Variants in DAAM1 observed in about 807,000 individuals in gnomAD.
The protein encoded by DAAM1 is disheveled-associated activator of morphogenesis 1.
Under a neutral mutation model 130.0 loss-of-function variants are expected in DAAM1, and 52 were observed. The ratio of observed to expected loss-of-function variants is 0.40; its 90% confidence interval spans 0.32 to 0.50. DAAM1 has a LOEUF of 0.50. Ranked by LOEUF, DAAM1 falls within the 20% of genes least tolerant of loss-of-function variation. DAAM1 has a pLI of 0.61. For synonymous variants in DAAM1, 452 were observed against 444.5 expected, an observed-to-expected ratio of 1.02 and a Z score of -0.21; for missense variants, 1,134 against 1,303.8, an observed-to-expected ratio of 0.87 and a Z score of 2.01.
intron 3 of DAAM1, among the ~76,000 whole-genome samples, chr14:59,301,186 A>G (rs1490815920): frequency 5.9e-5 from 9 of 152,158 alleles, no homozygotes. Flanking sequence ...GTTTTTTCCC[A>G]TCTGTCTCAC....
At chr14:59,297,391 A>C (rs1167260957) in intron 3 of DAAM1, among the ~76,000 whole-genome samples, 1 of 152,204 alleles carries the variant, frequency 6.6e-6, no homozygotes, top group African/African-American at 2.4e-5. Context: ...ATGTGCGAGA[A>C]TGTTTTTGGC....
intron 16 of DAAM1, among the ~76,000 whole-genome samples, chr14:59,346,094 G>C (rs1886068184): frequency 1.4e-5 from 2 of 139,580 alleles, no homozygotes; most frequent in South Asian, 4.9e-4. Flanking sequence ...GCATTCATTT[G>C]CTTAATCCTC....
At chr14:59,217,930 G>A (rs1201042362) in intron 1 of DAAM1, among the ~76,000 whole-genome samples, 1 of 150,904 alleles carries the variant, frequency 6.6e-6, no homozygotes, top group African/African-American at 2.4e-5. Flanking sequence ...GAGGTTGCAC[G>A]CCACTGCACT....
At chr14:59,208,711 C>T (rs1888338501) in intron 1 of DAAM1, among the ~76,000 whole-genome samples, 1 of 152,046 alleles carries the variant, frequency 6.6e-6, no homozygotes, top group South Asian at 2.1e-4. Context: ...AATCTCATGT[C>T]GAAATGTAAT....
intron 1 of DAAM1, among the ~76,000 whole-genome samples, chr14:59,196,045 C>G (rs1887879914): frequency 6.6e-6 from 1 of 152,182 alleles, no homozygotes; most frequent in South Asian, 2.1e-4. Context: ...CAGCAGCTTG[C>G]TAAGGAACCG....
Position 59,366,829 on chromosome 14 carries a change from G to T in DAAM1, c.2827-600G>T, listed in dbSNP as rs189124812. ...CTCGTGAGGCTTAAGAGGAAGGATT[G>T]CCCAGGAGTTTTTGGCTGTATTTTG... is the stretch of plus-strand genomic sequence containing the variant. On this transcript the variant is annotated intron_variant, in intron 23 of 24. Coordinates refer to ENST00000360909, the MANE Select transcript of DAAM1 (RefSeq NM_001270520.2). Among the ~76,000 whole-genome samples, 8 of 152,068 alleles carry T rather than the reference G, an allele frequency of 5.3e-5. No individual in the cohort carries two copies. The East Asian group carries it at 1.5e-3, about 29-fold the overall frequency.
chr14:59,256,500 C>G (rs940263831), intron 1 of DAAM1, among the ~76,000 whole-genome samples: 1 of 152,186 alleles, frequency 6.6e-6, no homozygotes. Flanking sequence ...TAAATTGTTT[C>G]CTTGTGTATA....
At chr14:59,334,051 A>G (rs982139466) in intron 15 of DAAM1, among the ~76,000 whole-genome samples, 1 of 152,230 alleles carries the variant, frequency 6.6e-6, no homozygotes, top group Non-Finnish European at 1.5e-5. Flanking sequence ...CCATATTTTC[A>G]ATAGCACTTC....
chr14:59,350,492 A>G (rs1435544888), intron 17 of DAAM1, among the ~76,000 whole-genome samples: 9 of 151,148 alleles, frequency 6.0e-5, no homozygotes, highest in Non-Finnish European at 1.5e-5. Flanking sequence ...TCTTATGCAC[A>G]TGCCCCTCTC....
intron 23 of DAAM1, among the ~76,000 whole-genome samples, 192 bp downstream of exon 23, chr14:59,363,974 A>T (rs993462226): frequency 2.0e-5 from 3 of 152,200 alleles, no homozygotes; most frequent in African/African-American, 7.2e-5. Context: ...CATTTCCAAG[A>T]CTGTGATTAA....
chr14:59,262,370 T>C (rs574828511), intron 1 of DAAM1, among the ~76,000 whole-genome samples: 2 of 152,310 alleles, frequency 1.3e-5, no homozygotes, highest in East Asian at 3.9e-4. Flanking sequence ...TGGAAATCTT[T>C]CCAAGGCAAT....
At chr14:59,341,842 G>T (rs1474325276) in intron 16 of DAAM1, among the ~76,000 whole-genome samples, 2 of 152,132 alleles carry the variant, frequency 1.3e-5, no homozygotes, top group Admixed American at 6.5e-5. Context: ...GTGCCATCCA[G>T]ATGAATGCTT....
intron 1 of DAAM1, among the ~76,000 whole-genome samples, chr14:59,252,054 T>C (rs1016709877): frequency 4.1e-4 from 63 of 152,322 alleles, no homozygotes; most frequent in African/African-American, 1.5e-3. Flanking sequence ...ACTGTAATTT[T>C]CAACTCAGGA....
At position 59,263,660 on chromosome 14, in the gene DAAM1, G is replaced by A; in HGVS notation, c.183G>A (p.Val61=). The A allele has an allele frequency of 6.2e-7, 1 of 1,613,848 alleles. No individual in the cohort carries two copies. The highest frequency in any genetic ancestry group is 8.5e-7 in the Non-Finnish European group (1 of 1,179,822). The change falls in exon 2 of 25, where the codon GTG becomes GTA. Residue 61 remains valine, a splice_region_variant and synonymous_variant. Coordinates refer to ENST00000360909, the MANE Select transcript of DAAM1 (RefSeq NM_001270520.2). ...EELDVMFSEL[V]DELDLTDKHR... ...TGGATGTCATGTTCAGTGAACTGGT[G>A]GTGAGTCCCAGTTTTCTATCCTGGC...
intron 15 of DAAM1, among the ~76,000 whole-genome samples, chr14:59,338,620 T>A (rs908836889): frequency 1.3e-5 from 2 of 152,212 alleles, no homozygotes; most frequent in African/African-American, 4.8e-5. Flanking sequence ...CAGTTGACAT[T>A]TGATCACCTA....
intron 1 of DAAM1, among the ~76,000 whole-genome samples, chr14:59,194,586 C>T (rs1224232396): frequency 6.6e-6 from 1 of 152,180 alleles, no homozygotes. Context: ...TAAGAGGGCC[C>T]ATAATTTCTC....
At position 59,337,351 on chromosome 14, in the gene DAAM1, C is replaced by A. The variant is rs192291226; in HGVS notation, c.1969-2723C>A. Reference sequence around the variant, plus strand: ...TTAAATGCCATTCTAGAAAAGCAGTCCCCCCTTGTATGGCTAGAGCAAGGG... The same window carrying A: ...TTAAATGCCATTCTAGAAAAGCAGTACCCCCTTGTATGGCTAGAGCAAGGG... On this transcript the variant is annotated intron_variant, in intron 15 of 24. Coordinates refer to ENST00000360909, the MANE Select transcript of DAAM1 (RefSeq NM_001270520.2). Among the ~76,000 whole-genome samples the A allele has an allele frequency of 3.3e-5, 5 of 152,254 alleles. 1 individual carries two copies. Among genetic ancestry groups the A allele is most frequent in the Middle Eastern group, 6.8e-3 (2 of 294 alleles).
intron 1 of DAAM1, among the ~76,000 whole-genome samples, chr14:59,227,164 T>C (rs1888965615): frequency 6.6e-6 from 1 of 152,086 alleles, no homozygotes; most frequent in South Asian, 2.1e-4. Flanking sequence ...AGCTTCTGGT[T>C]CTTTACAGAC....
intron 2 of DAAM1, among the ~76,000 whole-genome samples, chr14:59,280,151 C>T (rs1322478122): frequency 6.6e-6 from 1 of 151,372 alleles, no homozygotes; most frequent in African/African-American, 2.4e-5. Context: ...TAAGATGGTA[C>T]CACTAGATTC....
Sources: gnomAD v4.1 joint callset for allele counts (sites outside exome capture counted in the v4.1 genomes callset) on GRCh38, gnomAD v4.1.1 for gene constraint, MANE v1.5 for transcripts, NCBI Gene and HGNC (gene_info 2026-07-23, HGNC 2026-07-21) for gene names.